Variants in PAPPA observed in about 807,000 individuals in gnomAD.
The protein encoded by PAPPA is pappalysin-1.
A neutral mutation model predicts 164.0 loss-of-function variants in PAPPA; 60 were observed. That is an observed-to-expected ratio of 0.37 (90% CI 0.30 to 0.45). PAPPA has a LOEUF of 0.45. Among genes scored for constraint, PAPPA ranks in the 20% least tolerant of loss-of-function variants. The pLI is 1.00. For missense variants in PAPPA, 1,782 were observed against 2,087.3 expected (o/e 0.85, Z 2.85); for synonymous variants, 875 against 814.1 (o/e 1.07, Z -1.27).
At chr9:116,349,777 G>A (rs7019925) in intron 15 of PAPPA, among the ~76,000 whole-genome samples, 4,436 of 152,164 alleles carry the variant, frequency 0.029, 214 homozygotes, top group African/African-American at 0.099. Context: ...AAAACTTGAC[G>A]GACCCAAAAC....
intron 1 of PAPPA, among the ~76,000 whole-genome samples, chr9:116,156,496 T>G (rs1423591595): frequency 6.6e-6 from 1 of 151,814 alleles, no homozygotes; most frequent in East Asian, 1.9e-4. Context: ...ATACTTTAAT[T>G]GGATGGGGGG....
At chr9:116,365,833 G>A (rs1375810380) in intron 18 of PAPPA, among the ~76,000 whole-genome samples, 1 of 151,762 alleles carries the variant, frequency 6.6e-6, no homozygotes, top group Non-Finnish European at 1.5e-5. Context: ...TGTTTCGATG[G>A]CTGCCTCCTT....
chr9:116,250,013 A>ATG (rs67162181), intron 7 of PAPPA, among the ~76,000 whole-genome samples: 10,248 of 143,542 alleles, frequency 0.071, 374 homozygotes, highest in Middle Eastern at 0.11. Flanking sequence ...GTACCTGCAT[A>ATG]TGTGTGTGTG....
chr9:116,343,328 T>C (rs1846162273), intron 13 of PAPPA, among the ~76,000 whole-genome samples: 1 of 152,236 alleles, frequency 6.6e-6, no homozygotes, highest in Non-Finnish European at 1.5e-5. Flanking sequence ...CAATCTGTTA[T>C]GTTCCACTGG....
intron 4 of PAPPA, among the ~76,000 whole-genome samples, chr9:116,215,067 G>T (rs1217034368): frequency 6.6e-6 from 1 of 152,280 alleles, no homozygotes; most frequent in Non-Finnish European, 1.5e-5. Context: ...GAAGTGAACT[G>T]CAAGGTATTC....
At chr9:116,269,053 A>T (rs1245974429) in intron 8 of PAPPA, among the ~76,000 whole-genome samples, 1 of 152,168 alleles carries the variant, frequency 6.6e-6, no homozygotes, top group Non-Finnish European at 1.5e-5. Context: ...CATTTGATAG[A>T]TCGGGTAAAG....
chr9:116,165,128 A>T (rs1843706825), intron 1 of PAPPA, among the ~76,000 whole-genome samples: 1 of 152,192 alleles, frequency 6.6e-6, no homozygotes, highest in Non-Finnish European at 1.5e-5. Context: ...AACAACTTAG[A>T]ATGTTACTTC....
rs564607614 is a variant in PAPPA, at chr9:116,398,986, G to A, written c.*2370G>A. 4 of 256,602 alleles carry A rather than the reference G, an allele frequency of 1.6e-5. No homozygotes were observed. Among genetic ancestry groups the A allele is most frequent in the South Asian group, 4.3e-5 (1 of 23,322 alleles). 15.9% of individuals were successfully genotyped at this position (256,602 alleles called of 1,614,324 possible). ...CCTTAGAAGGTACAAGCTAAGAAAT[G>A]TAACAGTATCAACCCTCCCAGTTGC... is the stretch of plus-strand genomic sequence containing the variant. On this transcript the variant is annotated 3_prime_UTR_variant, in exon 22 of 22. Coordinates refer to ENST00000328252, the MANE Select transcript of PAPPA (RefSeq NM_002581.5).
chr9:116,296,207 A>G (rs1845504392), intron 9 of PAPPA, among the ~76,000 whole-genome samples: 1 of 152,234 alleles, frequency 6.6e-6, no homozygotes, highest in Admixed American at 6.5e-5. Context: ...TTTTAGAAAA[A>G]GTGTGACATA....
intron 8 of PAPPA, among the ~76,000 whole-genome samples, chr9:116,269,888 T>A (rs1207957907): frequency 6.6e-6 from 1 of 152,194 alleles, no homozygotes; most frequent in Non-Finnish European, 1.5e-5. Flanking sequence ...AAATACAAAC[T>A]TCTTCTTTGC....
At chr9:116,165,602 A>T (rs1354393260) in intron 1 of PAPPA, among the ~76,000 whole-genome samples, 1 of 152,176 alleles carries the variant, frequency 6.6e-6, no homozygotes, top group Non-Finnish European at 1.5e-5. Context: ...GCCCACCAAC[A>T]TCCAACAGTC....
chr9:116,350,626 C>A (rs1445406566), intron 15 of PAPPA, among the ~76,000 whole-genome samples: 2 of 152,214 alleles, frequency 1.3e-5, no homozygotes, highest in African/African-American at 4.8e-5. Context: ...AGAGTCCCAA[C>A]ACCTTTTCCA....
At chr9:116,186,702 C>T (rs887046168) in intron 1 of PAPPA, among the ~76,000 whole-genome samples, 8 of 152,098 alleles carry the variant, frequency 5.3e-5, no homozygotes, top group African/African-American at 1.9e-4. Flanking sequence ...TCTGTTTCTC[C>T]TTTCACCTCG....
intron 10 of PAPPA, among the ~76,000 whole-genome samples, chr9:116,321,077 G>C (rs1239688235): frequency 6.6e-6 from 1 of 151,696 alleles, no homozygotes; most frequent in Admixed American, 6.6e-5. Flanking sequence ...ACCCAGGCCG[G>C]ACTGCAGTAG....
intron 9 of PAPPA, among the ~76,000 whole-genome samples, chr9:116,277,345 G>A (rs960766961): frequency 6.6e-6 from 1 of 152,274 alleles, no homozygotes; most frequent in Non-Finnish European, 1.5e-5. Flanking sequence ...GAGGAATATA[G>A]GTGGGGGTCA....
chr9:116,368,919 A>T (rs1356164225), intron 19 of PAPPA, among the ~76,000 whole-genome samples: 1 of 151,996 alleles, frequency 6.6e-6, no homozygotes, highest in African/African-American at 2.4e-5. Context: ...GAGTGTATAG[A>T]CCTGGCCAGA....
At chr9:116,235,825 G>A (rs192608486) in intron 7 of PAPPA, among the ~76,000 whole-genome samples, 188 bp downstream of exon 7, 2 of 152,202 alleles carry the variant, frequency 1.3e-5, no homozygotes, top group Admixed American at 6.5e-5. Context: ...AGAGCAATAG[G>A]GAAGGAACCA....
At chr9:116,166,046 G>A in intron 1 of PAPPA, among the ~76,000 whole-genome samples, 1 of 152,182 alleles carries the variant, frequency 6.6e-6, no homozygotes, top group East Asian at 1.9e-4. Context: ...AAGAGAACCA[G>A]TTTAATATCT....
intron 1 of PAPPA, among the ~76,000 whole-genome samples, chr9:116,181,172 C>G (rs1351189001): frequency 6.6e-6 from 1 of 152,198 alleles, no homozygotes; most frequent in Non-Finnish European, 1.5e-5. Flanking sequence ...AGTGGGAGAG[C>G]TTAGAAAACT....
Sources: gnomAD v4.1 joint callset for allele counts (sites outside exome capture counted in the v4.1 genomes callset) on GRCh38, gnomAD v4.1.1 for gene constraint, MANE v1.5 for transcripts, NCBI Gene and HGNC (gene_info 2026-07-23, HGNC 2026-07-21) for gene names.